Variants in XYLT1 observed in about 807,000 individuals in gnomAD.
XYLT1 encodes xylosyltransferase 1.
Under a neutral mutation model 91.3 loss-of-function variants are expected in XYLT1, and 36 were observed. The ratio of observed to expected loss-of-function variants is 0.39; its 90% confidence interval spans 0.30 to 0.52. The LOEUF (loss-of-function observed/expected upper bound fraction) is 0.52, where lower values mean the gene tolerates loss of function less well. XYLT1 is among the 20% of genes least tolerant of loss of function. XYLT1 has a pLI of 0.68. For missense variants in XYLT1, 1,242 were observed against 1,284.5 expected (o/e 0.97, Z 0.51); for synonymous variants, 588 against 532.0 (o/e 1.11, Z -1.45).
chr16:17,197,838 G>A (rs1009070921), intron 5 of XYLT1, among the ~76,000 whole-genome samples: 2 of 152,262 alleles, frequency 1.3e-5, no homozygotes, highest in Admixed American at 6.5e-5. Flanking sequence ...ACGGCCTATC[G>A]TGAGACCTCG....
intron 2 of XYLT1, among the ~76,000 whole-genome samples, chr16:17,273,543 C>A (rs769805721): frequency 7.9e-5 from 12 of 152,148 alleles, no homozygotes; most frequent in Non-Finnish European, 1.8e-4. Context: ...TTCGTCTGCA[C>A]ATCAAAAATT....
At chr16:17,281,109 A>G (rs919586199) in intron 2 of XYLT1, among the ~76,000 whole-genome samples, 1 of 152,204 alleles carries the variant, frequency 6.6e-6, no homozygotes, top group Non-Finnish European at 1.5e-5. Flanking sequence ...CCTGCTGTGA[A>G]TCAAGGTCAC....
Position 17,105,253 on chromosome 16 carries a change from T to A in XYLT1, c.*3442A>T, listed in dbSNP as rs1966758886. 1 of 152,228 alleles carries A rather than the reference T, an allele frequency of 6.6e-6. No homozygotes were observed. 9.4% of individuals were successfully genotyped at this position (152,228 alleles called of 1,614,324 possible). A position where few individuals can be genotyped will look rare whatever the true frequency, so the allele number is the denominator to read the frequency against. ...CAAACTAGAGAACCAGAGGGAAACATGGTCTTCAGACACCCTACTTGTGCC... is the reference window on the plus strand; with the variant it reads ...CAAACTAGAGAACCAGAGGGAAACAAGGTCTTCAGACACCCTACTTGTGCC... On this transcript the variant is annotated 3_prime_UTR_variant, in exon 12 of 12. Transcript: ENST00000261381.
At chr16:17,238,746 T>C (rs896692826) in intron 3 of XYLT1, among the ~76,000 whole-genome samples, 22 of 152,262 alleles carry the variant, frequency 1.4e-4, no homozygotes, top group African/African-American at 4.6e-4. Context: ...TCATGCCAAG[T>C]GTGTGGCAAC....
At chr16:17,167,335 T>C (rs935140737) in intron 5 of XYLT1, among the ~76,000 whole-genome samples, 2 of 152,276 alleles carry the variant, frequency 1.3e-5, no homozygotes, top group African/African-American at 4.8e-5. Flanking sequence ...AGGTAGAACC[T>C]CTGTTCAGGG....
At chr16:17,368,234 G>A (rs1163462214) in intron 1 of XYLT1, among the ~76,000 whole-genome samples, 2 of 152,188 alleles carry the variant, frequency 1.3e-5, no homozygotes, top group African/African-American at 4.8e-5. Flanking sequence ...TAGGACAGAA[G>A]AGAGACGATG....
chr16:17,139,585 G>T (rs1335116819), intron 7 of XYLT1, among the ~76,000 whole-genome samples: 1 of 152,188 alleles, frequency 6.6e-6, no homozygotes, highest in African/African-American at 2.4e-5. Flanking sequence ...TGACCTTCCT[G>T]TGACACTAAA....
chr16:17,335,820 G>A (rs1234613357), intron 2 of XYLT1, among the ~76,000 whole-genome samples: 1 of 151,648 alleles, frequency 6.6e-6, no homozygotes. Flanking sequence ...TTACTTCAAT[G>A]GCTTAATTTA....
At chr16:17,224,966 G>A (rs1381767299) in intron 3 of XYLT1, among the ~76,000 whole-genome samples, 1 of 152,104 alleles carries the variant, frequency 6.6e-6, no homozygotes, top group Non-Finnish European at 1.5e-5. Context: ...AATGAGTGTG[G>A]CTGTGTTCCA....
At chr16:17,413,282 T>C (rs947422859) in intron 1 of XYLT1, among the ~76,000 whole-genome samples, 1 of 152,168 alleles carries the variant, frequency 6.6e-6, no homozygotes, top group Non-Finnish European at 1.5e-5. Context: ...TGGGCTGGCT[T>C]CACACCCTTC....
At chr16:17,114,224 A>G (rs1036019264) in intron 11 of XYLT1, among the ~76,000 whole-genome samples, 5 of 152,236 alleles carry the variant, frequency 3.3e-5, no homozygotes, top group Non-Finnish European at 5.9e-5. Context: ...ACCAATAGAC[A>G]TAAGTGTTTC....
intron 10 of XYLT1, among the ~76,000 whole-genome samples, chr16:17,119,250 A>G (rs1405890794): frequency 1.3e-5 from 2 of 152,168 alleles, no homozygotes; most frequent in African/African-American, 4.8e-5. Flanking sequence ...AACTGAATGA[A>G]CTAGGGAGAT....
intron 1 of XYLT1, among the ~76,000 whole-genome samples, chr16:17,377,334 G>A (rs918472271): frequency 2.0e-5 from 3 of 152,174 alleles, no homozygotes; most frequent in Non-Finnish European, 4.4e-5. Context: ...AAACAGACCT[G>A]TTGGGACCTC....
rs138444841 is a variant in XYLT1 at position 17,172,066 on chromosome 16, G to A, written c.1290-13157C>T. Among the ~76,000 whole-genome samples the A allele has an allele frequency of 3.7e-3, 563 of 152,286 alleles. 3 individuals are homozygous for A. The highest frequency in any genetic ancestry group is 0.013 in the African/African-American group (542 of 41,552). ...TGACATGCCTTGTGGAGTTGTTTTG[G>A]GGTTAGAAGGAATGATATCAGGTTA... On this transcript the variant is annotated intron_variant, in intron 5 of 11. Coordinates refer to ENST00000261381, the MANE Select transcript of XYLT1 (RefSeq NM_022166.4).
At chr16:17,432,061 C>A (rs776610573) in intron 1 of XYLT1, among the ~76,000 whole-genome samples, 1 of 152,100 alleles carries the variant, frequency 6.6e-6, no homozygotes, top group Admixed American at 6.5e-5. Flanking sequence ...AACCTCTTCA[C>A]CATCCAGTTT....
chr16:17,260,032 A>ATTT (rs34476832), intron 2 of XYLT1, among the ~76,000 whole-genome samples: 46 of 142,542 alleles, frequency 3.2e-4, no homozygotes, highest in Admixed American at 1.2e-3. Flanking sequence ...ACCAGCCGCA[A>ATTT]TTTTTTTTTT....
intron 3 of XYLT1, among the ~76,000 whole-genome samples, chr16:17,207,442 C>T (rs2032672009): frequency 6.6e-6 from 1 of 152,102 alleles, no homozygotes; most frequent in Non-Finnish European, 1.5e-5. Flanking sequence ...GCCAGCCTTG[C>T]CCCTGGACCT....
intron 1 of XYLT1, among the ~76,000 whole-genome samples, chr16:17,441,917 G>A (rs1474204112): frequency 6.6e-6 from 1 of 152,160 alleles, no homozygotes; most frequent in East Asian, 1.9e-4. Flanking sequence ...TTAATTTAAT[G>A]TATCAACTTG....
intron 3 of XYLT1, among the ~76,000 whole-genome samples, chr16:17,232,883 T>C (rs979583160): frequency 7.9e-5 from 12 of 152,132 alleles, no homozygotes. Context: ...CTGGTGAAAT[T>C]ATATACTCGC....
Sources: allele counts gnomAD v4.1 joint callset (sites outside exome capture counted in the v4.1 genomes callset), GRCh38; gene constraint gnomAD v4.1.1; transcripts MANE v1.5; gene names NCBI Gene and HGNC (gene_info 2026-07-23, HGNC 2026-07-21).